MOB1A: variants seen among roughly 807,000 people sequenced by gnomAD.
MOB1A encodes MOB1 Mps One Binder homolog A.
A neutral mutation model predicts 25.1 loss-of-function variants in MOB1A; 10 were observed. The ratio of observed to expected loss-of-function variants is 0.40; its 90% CI spans 0.25 to 0.68. The LOEUF is 0.68. Ranked by LOEUF, MOB1A falls within the 30% of genes least tolerant of loss-of-function variation. The pLI is 0.40. For synonymous variants in MOB1A, 81 were observed against 79.5 expected, an observed-to-expected ratio of 1.02 and a Z score of -0.10; for missense variants, 177 against 256.3, an observed-to-expected ratio of 0.69 and a Z score of 2.11.
chr2:74,159,348 G>A lies in MOB1A; in HGVS notation c.410-94C>T, dbSNP rs1692895713. 12 of 1,142,274 alleles carry A rather than the reference G, an allele frequency of 1.1e-5. No homozygotes were observed. In the South Asian group the frequency reaches 1.6e-4, roughly 15 times the overall value. 70.8% of individuals were successfully genotyped at this position (1,142,274 alleles called of 1,614,324 possible). A position where few individuals can be genotyped will look rare whatever the true frequency, so the allele number is the denominator to read the frequency against. ...AGGGTCTCACTTTGTCACTCAGGCA[G>A]TGGTGCAATCTCAGCTCACTGCAGC... On this transcript the variant is annotated intron_variant, in intron 4 of 5. Coordinates refer to ENST00000396049, the MANE Select transcript of MOB1A (RefSeq NM_018221.5).
At chr2:74,168,337 G>A (rs114077051) in intron 2 of MOB1A, among the ~76,000 whole-genome samples, 224 of 152,296 alleles carry the variant, frequency 1.5e-3, no homozygotes, top group African/African-American at 5.2e-3. Flanking sequence ...TATACTCTAT[G>A]CAAAGAGAAC....
In MOB1A at chr2:74,155,231, G is replaced by C. The variant is rs1397979525; in HGVS notation, c.*1337C>G. The C allele has an allele frequency of 1.3e-5, 2 of 152,440 alleles. No homozygotes were observed. The highest frequency in any genetic ancestry group is 2.9e-5 in the Non-Finnish European group (2 of 68,002). The allele number at this position is 152,440 out of a possible 1,614,324, so 9.4% of individuals were successfully genotyped here. A position where few individuals can be genotyped will look rare whatever the true frequency, so the allele number is the denominator to read the frequency against. On this transcript the variant is annotated 3_prime_UTR_variant, in exon 6 of 6. Transcript: ENST00000396049. ...GACAGCTAGAGTTTACTAAATCCTA[G>C]GAATCAAATAAAAAATAAATGTTTT...
At chr2:74,177,856 G>A (rs763154450) in intron 1 of MOB1A, among the ~76,000 whole-genome samples, 1 of 152,128 alleles carries the variant, frequency 6.6e-6, no homozygotes, top group African/African-American at 2.4e-5. Flanking sequence ...AAACCTTAAT[G>A]TGCATAAGAA....
intron 4 of MOB1A, chr2:74,164,715 A>G (rs1693077158): frequency 6.6e-6 from 1 of 152,212 alleles, no homozygotes; most frequent in South Asian, 2.1e-4. Context: ...TATACAACAC[A>G]TACGACAAAG....
chr2:74,178,401 G>C, intron 1 of MOB1A: 1 of 324,786 alleles, frequency 3.1e-6, no homozygotes, highest in Non-Finnish European at 5.6e-6. Context: ...GCGCTCGGGC[G>C]GAAAAGTTTG....
intron 1 of MOB1A, among the ~76,000 whole-genome samples, chr2:74,176,540 G>A (rs1426545078): frequency 6.6e-6 from 1 of 151,796 alleles, no homozygotes; most frequent in Non-Finnish European, 1.5e-5. Flanking sequence ...CGAGGTGGGC[G>A]GATCACTAGG....
chr2:74,177,680 C>G (rs1176608978), intron 1 of MOB1A, among the ~76,000 whole-genome samples: 1 of 151,610 alleles, frequency 6.6e-6, no homozygotes. Flanking sequence ...AAAAAAAAAA[C>G]TATATAGTGT....
chr2:74,174,170 C>G (rs546726027), intron 1 of MOB1A, among the ~76,000 whole-genome samples: 72 of 149,886 alleles, frequency 4.8e-4, no homozygotes, highest in Non-Finnish European at 9.3e-4. Context: ...ACTCGGGAAG[C>G]TGAGGCAGGA....
intron 3 of MOB1A, among the ~76,000 whole-genome samples, chr2:74,166,026 CAA>C (rs1208782169): frequency 1.3e-5 from 2 of 151,650 alleles, no homozygotes; most frequent in African/African-American, 4.8e-5. Context: ...ACACTTGTAG[CAA>C]AGTCAGAAAG....
At position 74,155,273 on chromosome 2, in the gene MOB1A, G is replaced by C. The variant is rs1347244419; in HGVS notation, c.*1295C>G. 1 of 152,588 alleles carries C rather than the reference G, an allele frequency of 6.6e-6. No individual in the cohort carries two copies. Among genetic ancestry groups the C allele is most frequent in the African/African-American group, 2.4e-5 (1 of 41,444 alleles). 9.5% of individuals were successfully genotyped at this position (152,588 alleles called of 1,614,324 possible). On this transcript the variant is annotated 3_prime_UTR_variant, in exon 6 of 6. Transcript: ENST00000396049. ...AAATGTTTTCTTCACTGAAGGGGAA[G>C]GCTTTTATATCCCAATAGAAATAGA...
intron 1 of MOB1A, chr2:74,172,967 G>A (rs1015834504): frequency 4.3e-5 from 24 of 554,408 alleles, no homozygotes; most frequent in East Asian, 2.0e-4. Context: ...GAAACCACAC[G>A]TCTACTAAAA....
chr2:74,176,605 A>C (rs1693478072), intron 1 of MOB1A, among the ~76,000 whole-genome samples: 1 of 151,688 alleles, frequency 6.6e-6, no homozygotes, highest in Non-Finnish European at 1.5e-5. Context: ...TCTACTAAAA[A>C]CACAAAATAT....
intron 4 of MOB1A, among the ~76,000 whole-genome samples, chr2:74,162,948 C>CATCTG (rs1693016253): frequency 6.6e-6 from 1 of 152,122 alleles, no homozygotes; most frequent in Non-Finnish European, 1.5e-5. Flanking sequence ...ACTGGAAAAG[C>CATCTG]ATCTGATAAA....
chr2:74,166,751 G>A (rs1004267650), intron 3 of MOB1A, among the ~76,000 whole-genome samples: 5 of 152,160 alleles, frequency 3.3e-5, no homozygotes, highest in South Asian at 2.1e-4. Flanking sequence ...CATGAGAACC[G>A]CTTGAACCCG....
At chr2:74,158,710 C>T (rs944701750) in intron 5 of MOB1A, among the ~76,000 whole-genome samples, 5 of 145,522 alleles carry the variant, frequency 3.4e-5, no homozygotes, top group African/African-American at 5.2e-5. Context: ...ACCCAGGAGG[C>T]GGAGGTTGCA....
intron 1 of MOB1A, among the ~76,000 whole-genome samples, chr2:74,174,840 A>C (rs1693404414): frequency 6.6e-6 from 1 of 152,276 alleles, no homozygotes; most frequent in Non-Finnish European, 1.5e-5. Flanking sequence ...AAATAGGCTA[A>C]GGAGATGAAT....
chr2:74,175,654 C>G (rs1174004914), intron 1 of MOB1A, among the ~76,000 whole-genome samples: 2 of 152,116 alleles, frequency 1.3e-5, no homozygotes, highest in Non-Finnish European at 2.9e-5. Context: ...AACCTAGAAG[C>G]AATCCTCAAG....
At chr2:74,159,051 C>T (rs766833259) in intron 5 of MOB1A, 40 bp downstream of exon 5, 8 of 1,604,512 alleles carry the variant, frequency 5.0e-6, no homozygotes, top group Non-Finnish European at 6.0e-6. Flanking sequence ...CCAAATAAGT[C>T]CAAGTCACAG....
intron 4 of MOB1A, 149 bp downstream of exon 4, chr2:74,165,069 C>T: frequency 2.1e-6 from 1 of 476,896 alleles, no homozygotes. Flanking sequence ...CCTGTAATCC[C>T]AGCACTGTGG....
Sources: allele counts gnomAD v4.1 joint callset (sites outside exome capture counted in the v4.1 genomes callset), GRCh38; gene constraint gnomAD v4.1.1; transcripts MANE v1.5; gene names NCBI Gene and HGNC (gene_info 2026-07-23, HGNC 2026-07-21).